Variants in LRRC20 observed in about 807,000 individuals in gnomAD.
The protein encoded by LRRC20 is leucine-rich repeat-containing protein 20.
Under a neutral mutation model 14.4 loss-of-function variants are expected in LRRC20, and 11 were observed. The observed-to-expected ratio is 0.77, with a 90% confidence interval of 0.48 to 1.27. LRRC20 has a LOEUF of 1.27. Among genes scored for constraint, LRRC20 ranks in the 50% most tolerant of loss-of-function variants. The pLI is 0.00. For missense variants in LRRC20, 219 were observed against 251.2 expected, an observed-to-expected ratio of 0.87 and a Z score of 0.87; for synonymous variants, 121 against 107.3, an observed-to-expected ratio of 1.13 and a Z score of -0.79.
Position 70,300,805 on chromosome 10 carries a change from C to A in LRRC20, c.*549G>T. The A allele has an allele frequency of 1.0e-6, 1 of 985,834 alleles. No individual in the cohort carries two copies. The highest frequency in any genetic ancestry group is 1.2e-6 in the Non-Finnish European group (1 of 830,240). 61.1% of individuals were successfully genotyped at this position (985,834 alleles called of 1,614,324 possible). A position where few individuals can be genotyped will look rare whatever the true frequency, so the allele number is the denominator to read the frequency against. ...ACTCCTAGTTCAGGTTCCCACCAGT[C>A]CAGGGACCACAGGACTGAAGACTGG... On this transcript the variant is annotated 3_prime_UTR_variant, in exon 5 of 5. Coordinates refer to ENST00000446961, the MANE Select transcript of LRRC20 (RefSeq NM_001278212.2).
chr10:70,344,043 A>G (rs973585393), intron 2 of LRRC20, among the ~76,000 whole-genome samples: 1 of 152,052 alleles, frequency 6.6e-6, no homozygotes, highest in African/African-American at 2.4e-5. Context: ...TACAGAAAAC[A>G]TTTAAAAACT....
At chr10:70,362,046 A>C (rs1317609869) in intron 2 of LRRC20, among the ~76,000 whole-genome samples, 1 of 152,124 alleles carries the variant, frequency 6.6e-6, no homozygotes, top group Non-Finnish European at 1.5e-5. Flanking sequence ...AATTTAGCCA[A>C]TAGTGATACA....
At chr10:70,347,744 G>T (rs1843128954) in intron 2 of LRRC20, among the ~76,000 whole-genome samples, 1 of 148,628 alleles carries the variant, frequency 6.7e-6, no homozygotes, top group Non-Finnish European at 1.5e-5. Context: ...GCTTGAGCCT[G>T]GGAGGAGGAG....
At chr10:70,378,529 G>A (rs1354022809) in intron 1 of LRRC20, among the ~76,000 whole-genome samples, 1 of 151,406 alleles carries the variant, frequency 6.6e-6, no homozygotes, top group Non-Finnish European at 1.5e-5. Context: ...GCTCACACCT[G>A]TAATCCCAGC....
At chr10:70,304,193 G>T (rs1047332607) in intron 4 of LRRC20, among the ~76,000 whole-genome samples, 1 of 151,876 alleles carries the variant, frequency 6.6e-6, no homozygotes, top group Non-Finnish European at 1.5e-5. Context: ...GCTCTTCCCC[G>T]ATCCAATTCC....
intron 3 of LRRC20, among the ~76,000 whole-genome samples, chr10:70,335,591 G>C (rs559637676): frequency 6.6e-6 from 1 of 152,144 alleles, no homozygotes; most frequent in African/African-American, 2.4e-5. Flanking sequence ...TGCCTTCCTG[G>C]CCTGGCCTCA....
At position 70,300,721 on chromosome 10, in the gene LRRC20, C is replaced by T; in HGVS notation, c.*633G>A. ...CAGCCTGCTGGTCCTCGGGCTCCTA[C>T]ATGAATGTTCTTGCCCTGCAGCAGT... On this transcript the variant is annotated 3_prime_UTR_variant, in exon 5 of 5. Transcript: ENST00000446961. 1.0e-6 allele frequency: 1 copy of T among 985,660 alleles called. No homozygotes were observed. Among genetic ancestry groups the T allele is most frequent in the South Asian group, 4.7e-5 (1 of 21,292 alleles). The allele number at this position is 985,660 out of a possible 1,614,324, so 61.1% of individuals were successfully genotyped here. A position where few individuals can be genotyped will look rare whatever the true frequency, so the allele number is the denominator to read the frequency against.
intron 3 of LRRC20, among the ~76,000 whole-genome samples, chr10:70,324,575 G>T (rs1283034595): frequency 6.6e-6 from 1 of 152,260 alleles, no homozygotes; most frequent in African/African-American, 2.4e-5. Context: ...TGCTCTGAAA[G>T]CTGGCCAGCG....
intron 2 of LRRC20, among the ~76,000 whole-genome samples, chr10:70,375,831 T>C (rs1177987334): frequency 6.6e-6 from 1 of 152,128 alleles, no homozygotes; most frequent in East Asian, 1.9e-4. Flanking sequence ...TGGTGGACAG[T>C]CAATAAGTAT....
At chr10:70,328,520 C>T (rs1194393564) in intron 3 of LRRC20, among the ~76,000 whole-genome samples, 3 of 152,196 alleles carry the variant, frequency 2.0e-5, no homozygotes, top group African/African-American at 4.8e-5. Context: ...TAGTCTCGAA[C>T]TCCTGACCAC....
intron 4 of LRRC20, among the ~76,000 whole-genome samples, chr10:70,312,427 C>T (rs10999262): frequency 0.24 from 36,450 of 151,992 alleles, 5,538 homozygotes; most frequent in Non-Finnish European, 0.33. Flanking sequence ...TGGAGTCAGG[C>T]GGGGACAGGG....
intron 2 of LRRC20, among the ~76,000 whole-genome samples, chr10:70,372,535 A>G (rs551163518): frequency 1.4e-4 from 20 of 144,592 alleles, no homozygotes; most frequent in East Asian, 8.6e-4. Flanking sequence ...TCCACCTCCC[A>G]GGTTCACACC....
chr10:70,325,575 G>A (rs1312458438), intron 3 of LRRC20, among the ~76,000 whole-genome samples: 2 of 152,188 alleles, frequency 1.3e-5, no homozygotes, highest in Admixed American at 1.3e-4. Flanking sequence ...AGGTCCTGAC[G>A]AACAGGTTTA....
rs1842392459 is a variant in LRRC20 at position 70,328,061 on chromosome 10, C to A, written c.233-4031G>T. 2.0e-5 allele frequency among the ~76,000 whole-genome samples: 3 copies of A among 152,154 alleles called. No homozygotes were observed. The South Asian group carries it at 6.2e-4, about 32-fold the overall frequency. The stretch of plus-strand genomic sequence containing the variant: ...AGGACCTGGTTATGTTCCAACTCAT[C>A]AGGTGTCCTTGGGCCCATCCTCTCT... On this transcript the variant is annotated intron_variant, in intron 3 of 4. Coordinates refer to ENST00000446961, the MANE Select transcript of LRRC20 (RefSeq NM_001278212.2).
In LRRC20 at chr10:70,323,916, A is replaced by AGCT. The variant is rs767197028; in HGVS notation, c.344_346dup (p.Gln115dup). On this transcript the variant is annotated inframe_insertion, in exon 4 of 5. Transcript: ENST00000446961. ...GGTCTCCAGCGCCGGCAGGGCGGTA[A>AGCT]GCTGCTCAGGGAAGTCCTGGAACTG... is the stretch of plus-strand genomic sequence containing the variant. 15 of 1,614,182 alleles carry AGCT rather than the reference A, an allele frequency of 9.3e-6. No homozygotes were observed. The East Asian group carries it at 3.1e-4, about 34-fold the overall frequency.
At chr10:70,353,732 G>T (rs1843413857) in intron 2 of LRRC20, among the ~76,000 whole-genome samples, 1 of 152,158 alleles carries the variant, frequency 6.6e-6, no homozygotes, top group African/African-American at 2.4e-5. Context: ...AGGAGTCTTG[G>T]TTAGTAAGCT....
chr10:70,300,882 G>A lies in LRRC20; in HGVS notation c.*472C>T. 1 of 987,758 alleles carries A rather than the reference G, an allele frequency of 1.0e-6. No homozygotes were observed. The highest frequency in any genetic ancestry group is 1.2e-6 in the Non-Finnish European group (1 of 831,632). The allele number at this position is 987,758 out of a possible 1,614,324, so 61.2% of individuals were successfully genotyped here. A position where few individuals can be genotyped will look rare whatever the true frequency, so the allele number is the denominator to read the frequency against. On this transcript the variant is annotated 3_prime_UTR_variant, in exon 5 of 5. Coordinates refer to ENST00000446961, the MANE Select transcript of LRRC20 (RefSeq NM_001278212.2). ...AGTTCTCAGGAAGCAATAAATAGAT[G>A]GAGGTTGTCTTCTCTTCTCAGGGCA... is the stretch of plus-strand genomic sequence containing the variant.
At chr10:70,352,227 CTT>C (rs34835020) in intron 2 of LRRC20, among the ~76,000 whole-genome samples, 3 of 150,320 alleles carry the variant, frequency 2.0e-5, no homozygotes, top group African/African-American at 7.4e-5. Flanking sequence ...TACGTTTAAG[CTT>C]TTTTTTTTTT....
intron 2 of LRRC20, among the ~76,000 whole-genome samples, chr10:70,370,481 T>C (rs1276559994): frequency 6.6e-6 from 1 of 152,126 alleles, no homozygotes; most frequent in African/African-American, 2.4e-5. Flanking sequence ...AGGCCAGGCA[T>C]GGTGGCTCAA....
Sources: gnomAD v4.1 joint callset for allele counts (sites outside exome capture counted in the v4.1 genomes callset) on GRCh38, gnomAD v4.1.1 for gene constraint, MANE v1.5 for transcripts, NCBI Gene and HGNC (gene_info 2026-07-23, HGNC 2026-07-21) for gene names.